The following RIMS2 variants were observed in gnomAD, a reference collection of about 807,000 sequenced individuals.
RIMS2 encodes the protein regulating synaptic membrane exocytosis protein 2.
RIMS2 carries 59 observed loss-of-function variants against 174.4 expected under a neutral mutation model. The ratio of observed to expected loss-of-function variants is 0.34; its 90% CI spans 0.27 to 0.42. The LOEUF (loss-of-function observed/expected upper bound fraction) is 0.42, where lower values mean the gene tolerates loss of function less well. Ranked by LOEUF, RIMS2 falls within the 10% of genes least tolerant of loss-of-function variation. RIMS2 has a pLI of 1.00. For synonymous variants in RIMS2, 606 were observed against 572.5 expected (o/e 1.06, Z -0.84); for missense variants, 1,620 against 1,666.3 (o/e 0.97, Z 0.48).
At chr8:103,897,424 C>A (rs2099291822) in intron 4 of RIMS2, among the ~76,000 whole-genome samples, 1 of 151,654 alleles carries the variant, frequency 6.6e-6, no homozygotes, top group South Asian at 2.1e-4. Context: ...CTCATGTGGC[C>A]ATAGATGTGA....
intron 1 of RIMS2, among the ~76,000 whole-genome samples, chr8:103,563,116 A>C (rs993755144): frequency 6.6e-6 from 1 of 152,122 alleles, no homozygotes; most frequent in African/African-American, 2.4e-5. Context: ...CAAGCCCTGG[A>C]GACATTTTCT....
chr8:103,944,741 T>A (rs2083328900), intron 14 of RIMS2, among the ~76,000 whole-genome samples: 2 of 152,056 alleles, frequency 1.3e-5, no homozygotes, highest in Non-Finnish European at 2.9e-5. Flanking sequence ...TACCCATGGG[T>A]AATATAATGG....
chr8:103,805,174 GT>G (rs2098642012), intron 3 of RIMS2, among the ~76,000 whole-genome samples: 1 of 152,016 alleles, frequency 6.6e-6, no homozygotes, highest in Non-Finnish European at 1.5e-5. Flanking sequence ...GGTACTAATT[GT>G]TATTTCTCTT....
chr8:103,637,079 C>T (rs1328655350), intron 1 of RIMS2, among the ~76,000 whole-genome samples: 1 of 152,104 alleles, frequency 6.6e-6, no homozygotes, highest in Non-Finnish European at 1.5e-5. Context: ...TCATTTCTTG[C>T]CAGTTTTTCT....
chr8:104,247,785 C>T (rs933148149), intron 20 of RIMS2, among the ~76,000 whole-genome samples: 2 of 152,152 alleles, frequency 1.3e-5, no homozygotes. Context: ...GATATGTAGA[C>T]TAAGCAATTG....
intron 1 of RIMS2, chr8:103,569,040 A>G: frequency 2.5e-6 from 1 of 396,112 alleles, no homozygotes; most frequent in Non-Finnish European, 4.6e-6. Context: ...GTTAATTTTG[A>G]TGTCCAATTT....
chr8:103,646,337 A>C (rs1038308648), intron 1 of RIMS2, among the ~76,000 whole-genome samples: 3 of 152,060 alleles, frequency 2.0e-5, no homozygotes, highest in African/African-American at 7.2e-5. Flanking sequence ...AGGTGTACCT[A>C]ATTTTTCGTA....
At chr8:103,724,377 T>C (rs950312687) in intron 2 of RIMS2, among the ~76,000 whole-genome samples, 2 of 152,226 alleles carry the variant, frequency 1.3e-5, no homozygotes, top group African/African-American at 4.8e-5. Context: ...ACTATATTTG[T>C]ATTTTTAAAT....
At chr8:104,037,406 T>C (rs2096538835) in intron 19 of RIMS2, among the ~76,000 whole-genome samples, 1 of 152,240 alleles carries the variant, frequency 6.6e-6, no homozygotes, top group South Asian at 2.1e-4. Context: ...TGCTTGTTTC[T>C]ATGAGACATA....
intron 19 of RIMS2, among the ~76,000 whole-genome samples, chr8:104,157,945 G>GTTT (rs2098734758): frequency 6.6e-6 from 1 of 151,932 alleles, no homozygotes; most frequent in Admixed American, 6.6e-5. Context: ...TAAGTTCTAG[G>GTTT]GTACATGTGC....
intron 1 of RIMS2, among the ~76,000 whole-genome samples, chr8:103,657,952 C>A (rs4734725): frequency 0.35 from 53,814 of 151,992 alleles, 10,250 homozygotes; most frequent in East Asian, 0.77. Context: ...AATCTAGACC[C>A]AGTTAGCCAC....
At chr8:103,550,629 G>A (rs1349072323) in intron 1 of RIMS2, among the ~76,000 whole-genome samples, 1 of 151,794 alleles carries the variant, frequency 6.6e-6, no homozygotes, top group Admixed American at 6.6e-5. Context: ...AGGAGATAGA[G>A]ACACAAAAAA....
chr8:103,760,520 G>T (rs531705652), intron 2 of RIMS2, among the ~76,000 whole-genome samples: 1 of 152,190 alleles, frequency 6.6e-6, no homozygotes, highest in South Asian at 2.1e-4. Context: ...GTTTAGTAGC[G>T]CAAGCTACCC....
intron 1 of RIMS2, among the ~76,000 whole-genome samples, chr8:103,556,433 TATCTC>T (rs1257294878): frequency 6.6e-6 from 1 of 152,198 alleles, no homozygotes; most frequent in Non-Finnish European, 1.5e-5. Flanking sequence ...TTTTACAAGT[TATCTC>T]ATCTTATACT....
At chr8:103,557,539 C>T (rs2090712852) in intron 1 of RIMS2, among the ~76,000 whole-genome samples, 1 of 152,110 alleles carries the variant, frequency 6.6e-6, no homozygotes, top group Non-Finnish European at 1.5e-5. Flanking sequence ...ATATTTATCA[C>T]CTGCTGTGTT....
chr8:104,243,073 T>C (rs181032266), intron 19 of RIMS2, among the ~76,000 whole-genome samples: 1 of 152,334 alleles, frequency 6.6e-6, no homozygotes, highest in African/African-American at 2.4e-5. Context: ...GCTTTTACAT[T>C]TACTAATATT....
At chr8:104,187,649 TG>T (rs2098975414) in intron 19 of RIMS2, among the ~76,000 whole-genome samples, 1 of 151,842 alleles carries the variant, frequency 6.6e-6, no homozygotes, top group Non-Finnish European at 1.5e-5. Context: ...AAATCCATCT[TG>T]TTTAACTGAA....
At chr8:104,052,756 G>T (rs115795740) in intron 19 of RIMS2, among the ~76,000 whole-genome samples, 1 of 152,086 alleles carries the variant, frequency 6.6e-6, no homozygotes, top group East Asian at 1.9e-4. Context: ...GGAAATGTGC[G>T]TCTTAGAGCT....
chr8:103,855,972 T>C (rs1241883601), intron 3 of RIMS2, among the ~76,000 whole-genome samples: 1 of 152,180 alleles, frequency 6.6e-6, no homozygotes, highest in Non-Finnish European at 1.5e-5. Context: ...TTCCTCACTA[T>C]TATTGTGTGG....
Sources: gnomAD v4.1 joint callset for allele counts (sites outside exome capture counted in the v4.1 genomes callset) on GRCh38, gnomAD v4.1.1 for gene constraint, MANE v1.5 for transcripts, NCBI Gene and HGNC (gene_info 2026-07-23, HGNC 2026-07-21) for gene names.